PMM1: variants seen among roughly 807,000 people sequenced by gnomAD.
PMM1 encodes brain glucose-1,6-bisphosphatase.
Under a neutral mutation model 34.0 loss-of-function variants are expected in PMM1, and 25 were observed. The ratio of observed to expected loss-of-function variants is 0.73; its 90% CI spans 0.54 to 1.03. PMM1 has a LOEUF of 1.03. Ranked by LOEUF, PMM1 falls within the 50% of genes least tolerant of loss-of-function variation. The pLI is 0.00. For synonymous variants in PMM1, 134 were observed against 143.9 expected (o/e 0.93, Z 0.49); for missense variants, 321 against 350.1 (o/e 0.92, Z 0.66).
At chr22:41,589,030 T>C in intron 1 of PMM1, 2 of 1,250,388 alleles carry the variant, frequency 1.6e-6, no homozygotes, top group South Asian at 1.3e-5. Flanking sequence ...CGAGAGTCTT[T>C]AGAAGAAAAC....
chr22:41,588,848 A>G, intron 1 of PMM1: 1 of 985,386 alleles, frequency 1.0e-6, no homozygotes, highest in Non-Finnish European at 1.2e-6. Context: ...ACGCTAGGAG[A>G]CCTGTTGGTT....
Position 41,584,063 on chromosome 22 carries a change from T to C in PMM1, c.375-5A>G. The C allele has an allele frequency of 6.2e-7, 1 of 1,608,742 alleles. No individual in the cohort carries two copies. The highest frequency in any genetic ancestry group is 2.2e-5 in the East Asian group (1 of 44,828). On this transcript the variant is annotated splice_polypyrimidine_tract_variant and splice_region_variant and intron_variant, in intron 4 of 7. Transcript: ENST00000216259. ...CGGAACTCGATGAAGGTTCCACTGGTGGTGAGGGAGGGCGGGGAGCCAGAG... is the reference window on the plus strand; with the variant it reads ...CGGAACTCGATGAAGGTTCCACTGGCGGTGAGGGAGGGCGGGGAGCCAGAG...
chr22:41,586,695 GAC>G (rs1226015263), intron 1 of PMM1, among the ~76,000 whole-genome samples: 1 of 151,736 alleles, frequency 6.6e-6, no homozygotes, highest in East Asian at 2.0e-4. Flanking sequence ...TTTTAGTAGA[GAC>G]AGGGTTTCGC....
Position 41,582,890 on chromosome 22 carries a change from G to A in PMM1, c.474+1069C>T, listed in dbSNP as rs556260020. Among the ~76,000 whole-genome samples, 20 of 152,278 alleles carry A rather than the reference G, an allele frequency of 1.3e-4. No homozygotes were observed. In the South Asian group the frequency reaches 4.1e-3, roughly 32 times the overall value. ...CCAGCATGGAAAGGTCTGGATGGGT[G>A]GATTGCTCCATCCCCGAGAGGGAGG... On this transcript the variant is annotated intron_variant, in intron 5 of 7. Coordinates refer to ENST00000216259, the MANE Select transcript of PMM1 (RefSeq NM_002676.3).
intron 6 of PMM1, among the ~76,000 whole-genome samples, chr22:41,578,605 C>T (rs898348164): frequency 2.0e-5 from 3 of 152,034 alleles, no homozygotes; most frequent in Non-Finnish European, 4.4e-5. Flanking sequence ...GGGCGTTTAC[C>T]TCTGAGGTAT....
chr22:41,580,161 C>T (rs916610758), intron 5 of PMM1: 1 of 152,312 alleles, frequency 6.6e-6, no homozygotes, highest in African/African-American at 2.4e-5. Context: ...GCCCCATGTG[C>T]AAGGCCAGCC....
chr22:41,589,550 G>A, intron 1 of PMM1, 169 bp downstream of exon 1: 2 of 621,052 alleles, frequency 3.2e-6, no homozygotes, highest in South Asian at 3.8e-5. Context: ...GTGAGGGCCA[G>A]GTCCCCTCAC....
Position 41,578,822 on chromosome 22 carries a change from C to A in PMM1, c.534G>T (p.Gly178=), listed in dbSNP as rs760644682. 2.5e-6 allele frequency: 4 copies of A among 1,613,882 alleles called. No individual in the cohort carries two copies. In the African/African-American group the frequency reaches 4.0e-5, roughly 16 times the overall value. The part of the protein sequence containing the change: ...EALKTEFAGK[G]LRFSRGGMIS... Reference sequence around the variant, plus strand: ...TGGACGTACCTCGAGAGAACCTCAGCCCTTTGCCAGCAAACTCTGTTTTCA... The same window carrying A: ...TGGACGTACCTCGAGAGAACCTCAGACCTTTGCCAGCAAACTCTGTTTTCA... The change falls in exon 6 of 8, where the codon GGG becomes GGT. Residue 178 remains glycine (G), a synonymous_variant. Coordinates refer to ENST00000216259, the MANE Select transcript of PMM1 (RefSeq NM_002676.3).
chr22:41,581,328 A>G (rs1239667242), intron 5 of PMM1, among the ~76,000 whole-genome samples: 3 of 151,754 alleles, frequency 2.0e-5, no homozygotes, highest in Non-Finnish European at 2.9e-5. Flanking sequence ...TATCAAGAAA[A>G]AAAAAAAAAG....
At chr22:41,581,040 G>A (rs570439363) in intron 5 of PMM1, among the ~76,000 whole-genome samples, 4 of 144,018 alleles carry the variant, frequency 2.8e-5, no homozygotes, top group South Asian at 2.2e-4. Flanking sequence ...GCTTGAACCC[G>A]GGAGGCAGAG....
chr22:41,588,072 C>T (rs765832586), intron 1 of PMM1, among the ~76,000 whole-genome samples: 5 of 152,180 alleles, frequency 3.3e-5, no homozygotes, highest in Admixed American at 1.3e-4. Flanking sequence ...TTGTTTGAGA[C>T]GGAGTTTCAC....
chr22:41,587,485 T>A (rs2067325232), intron 1 of PMM1, among the ~76,000 whole-genome samples: 1 of 149,808 alleles, frequency 6.7e-6, no homozygotes, highest in Admixed American at 6.7e-5. Flanking sequence ...ATGGTGGCAC[T>A]TGCCTGTAGT....
At chr22:41,583,559 G>A (rs1408416204) in intron 5 of PMM1, among the ~76,000 whole-genome samples, 1 of 152,186 alleles carries the variant, frequency 6.6e-6, no homozygotes, top group Non-Finnish European at 1.5e-5. Context: ...AAGGGGTAGG[G>A]AGGGACAGAG....
chr22:41,578,732 G>T, intron 6 of PMM1, 74 bp downstream of exon 6: 1 of 1,296,078 alleles, frequency 7.7e-7, no homozygotes, highest in Non-Finnish European at 1.1e-6. Context: ...CCACAGCCTG[G>T]TCTTGGCAGG....
At chr22:41,589,416 C>T (rs2067354205) in intron 1 of PMM1, 2 of 511,748 alleles carry the variant, frequency 3.9e-6, no homozygotes, top group Non-Finnish European at 7.1e-6. Context: ...GCCTTAGCGG[C>T]GTGTGACAGC....
chr22:41,581,550 C>T (rs1469717005), intron 5 of PMM1, among the ~76,000 whole-genome samples: 6 of 152,178 alleles, frequency 3.9e-5, no homozygotes, highest in Non-Finnish European at 7.3e-5. Flanking sequence ...TAATACAGCT[C>T]ATTTCATTCA....
At chr22:41,584,636 A>C (rs368220949) in intron 2 of PMM1, 33 bp from the exon 3 acceptor site, 1 of 1,538,690 alleles carries the variant, frequency 6.5e-7, no homozygotes, top group South Asian at 1.1e-5. Context: ...GGAGGAAGAA[A>C]GAGTGTGAGA....
chr22:41,579,638 A>C (rs1316187918), intron 5 of PMM1: 3 of 152,568 alleles, frequency 2.0e-5, no homozygotes, highest in Non-Finnish European at 4.4e-5. Context: ...AGAGGCGCTG[A>C]GGATTCTGGA....
At chr22:41,581,059 G>A (rs1366495121) in intron 5 of PMM1, among the ~76,000 whole-genome samples, 5 of 135,712 alleles carry the variant, frequency 3.7e-5, no homozygotes, top group Non-Finnish European at 6.2e-5. Context: ...AGGTTGCAGC[G>A]AGCCGAGATC....
Sources: gnomAD v4.1 joint callset for allele counts (sites outside exome capture counted in the v4.1 genomes callset) on GRCh38, gnomAD v4.1.1 for gene constraint, MANE v1.5 for transcripts, NCBI Gene and HGNC (gene_info 2026-07-23, HGNC 2026-07-21) for gene names.